The following DMD variants were observed in gnomAD, a reference collection of about 807,000 sequenced individuals.
The protein encoded by DMD is mutant dystrophin.
A neutral mutation model predicts 330.1 loss-of-function variants in DMD; 63 were observed. The ratio of observed to expected loss-of-function variants is 0.19; its 90% CI spans 0.16 to 0.24. The LOEUF (loss-of-function observed/expected upper bound fraction) is 0.24. DMD is among the 10% of genes least tolerant of loss of function. The pLI is 1.00. For synonymous variants in DMD, 1,223 were observed against 959.8 expected (o/e 1.27, Z -5.07); for missense variants, 3,344 against 2,684.1 (o/e 1.25, Z -5.43).
chrX:31,273,603 G>A (rs751477316), intron 62 of DMD, among the ~76,000 whole-genome samples: 1 of 112,045 alleles, frequency 8.9e-6, no homozygotes, highest in Admixed American at 9.4e-5. Context: ...GAACAAGGAA[G>A]TCATCCTAAG....
intron 9 of DMD, among the ~76,000 whole-genome samples, chrX:32,652,794 T>C (rs1377947032): frequency 1.8e-5 from 2 of 111,784 alleles, no homozygotes; most frequent in Non-Finnish European, 3.8e-5. Context: ...GTAAAAGTGC[T>C]CTTATTTCTC....
chrX:31,715,277 G>T (rs1240252210), intron 52 of DMD, among the ~76,000 whole-genome samples: 1 of 109,463 alleles, frequency 9.1e-6, no homozygotes, highest in East Asian at 2.9e-4. Flanking sequence ...GGGCGCGGTG[G>T]CTCACGCCTG....
intron 1 of DMD, among the ~76,000 whole-genome samples, chrX:33,187,796 A>G (rs2050330741): frequency 1.8e-5 from 2 of 111,757 alleles, no homozygotes; most frequent in African/African-American, 6.5e-5. Context: ...GGTAGATTTT[A>G]TACATGTGCA....
At chrX:32,827,443 A>G (rs1232813527) in intron 4 of DMD, among the ~76,000 whole-genome samples, 1 of 110,683 alleles carries the variant, frequency 9.0e-6, no homozygotes, top group Non-Finnish European at 1.9e-5. Context: ...TTTAACTTTT[A>G]TATTAGGTTC....
intron 44 of DMD, among the ~76,000 whole-genome samples, chrX:32,196,159 C>T (rs2096999017): frequency 8.9e-6 from 1 of 112,125 alleles, no homozygotes; most frequent in Non-Finnish European, 1.9e-5. Context: ...GGCTCATTTC[C>T]AGTCCTAAAC....
chrX:32,276,156 C>T (rs898407975), intron 43 of DMD, among the ~76,000 whole-genome samples: 1 of 112,243 alleles, frequency 8.9e-6, no homozygotes, highest in Non-Finnish European at 1.9e-5. Context: ...CAGTCAGTGC[C>T]TGTGCACGGA....
intron 63 of DMD, among the ~76,000 whole-genome samples, chrX:31,240,990 A>G (rs1385331275): frequency 2.7e-5 from 3 of 110,957 alleles, no homozygotes; most frequent in Non-Finnish European, 5.7e-5. Context: ...ACCTATTCCT[A>G]GGGCTGTTGC....
At chrX:31,937,098 T>C (rs1175252987) in intron 45 of DMD, among the ~76,000 whole-genome samples, 1 of 111,748 alleles carries the variant, frequency 8.9e-6, no homozygotes. Flanking sequence ...TGAAAATTTT[T>C]AAATGGGATT....
chrX:31,903,199 A>C (rs772974927), intron 47 of DMD, among the ~76,000 whole-genome samples: 1 of 112,038 alleles, frequency 8.9e-6, no homozygotes, highest in African/African-American at 3.2e-5. Flanking sequence ...CAATATAAAA[A>C]GTACCAATGA....
intron 45 of DMD, among the ~76,000 whole-genome samples, chrX:31,955,673 T>C (rs1213769899): frequency 1.8e-5 from 2 of 112,352 alleles, no homozygotes; most frequent in Non-Finnish European, 3.8e-5. Context: ...CAAAACTTAG[T>C]GTCATTAATA....
chrX:31,135,026 T>TAAAAACAA (rs760338834), intron 76 of DMD, among the ~76,000 whole-genome samples: 1 of 110,854 alleles, frequency 9.0e-6, no homozygotes, highest in Non-Finnish European at 1.9e-5. Context: ...TGTCTCTATT[T>TAAAAACAA]AAAAACAAAA....
At chrX:31,383,879 T>C (rs2060307766) in intron 60 of DMD, among the ~76,000 whole-genome samples, 1 of 111,519 alleles carries the variant, frequency 9.0e-6, no homozygotes, top group African/African-American at 3.3e-5. Context: ...GCCACTTTCA[T>C]CAGCAATAAA....
At chrX:32,923,445 C>T (rs1190851247) in intron 2 of DMD, among the ~76,000 whole-genome samples, 4 of 109,598 alleles carry the variant, frequency 3.6e-5, no homozygotes, top group Non-Finnish European at 7.6e-5. Flanking sequence ...CCTGTAATCC[C>T]AGCTACTCGG....
chrX:32,826,036 A>G lies in DMD; in HGVS notation c.265-2649T>C, dbSNP rs537628491. Among the ~76,000 whole-genome samples the G allele has an allele frequency of 4.7e-4, 53 of 111,725 alleles. 1 individual carries two copies. The highest frequency in any genetic ancestry group is 1.5e-3 in the African/African-American group (46 of 30,784). On this transcript the variant is annotated intron_variant, in intron 4 of 78. Transcript: ENST00000357033. Reference sequence around the variant, plus strand: ...CCTCAAACCCTATCTAGGGCAATGAACCTGAATAGACATTTCTCAAAAGAA... The same window carrying G: ...CCTCAAACCCTATCTAGGGCAATGAGCCTGAATAGACATTTCTCAAAAGAA...
Position 32,363,051 on chromosome X carries a change from G to A in DMD, c.5155-93C>T, listed in dbSNP as rs905959945. On this transcript the variant is annotated intron_variant, in intron 36 of 78. Coordinates refer to ENST00000357033, the MANE Select transcript of DMD (RefSeq NM_004006.3). The stretch of plus-strand genomic sequence containing the variant: ...AGCCAAACAGAGCGAGTGAGCAAGT[G>A]AGCGAGAAGAGTGAGAAAGAGAGAG... 9 of 834,112 alleles carry A rather than the reference G, an allele frequency of 1.1e-5. No individual in the cohort carries two copies. In the African/African-American group the frequency reaches 1.8e-4, roughly 17 times the overall value. 68.7% of individuals were successfully genotyped at this position (834,112 alleles called of 1,213,427 possible). A position where few individuals can be genotyped will look rare whatever the true frequency, so the allele number is the denominator to read the frequency against.
chrX:31,510,129 A>G lies in DMD; in HGVS notation c.8218-2676T>C, dbSNP rs138090209. Reference sequence around the variant, plus strand: ...GCTTTACAGGTTACAAAGCACGTACAAATGTACCACCTTAGTTATTCCTCC... The same window carrying G: ...GCTTTACAGGTTACAAAGCACGTACGAATGTACCACCTTAGTTATTCCTCC... On this transcript the variant is annotated intron_variant, in intron 55 of 78. Coordinates refer to ENST00000357033, the MANE Select transcript of DMD (RefSeq NM_004006.3). Among the ~76,000 whole-genome samples, 534 of 112,357 alleles carry G rather than the reference A, an allele frequency of 4.8e-3. 4 individuals carry two copies. Among genetic ancestry groups the G allele is most frequent in the African/African-American group, 0.016 (488 of 30,977 alleles).
intron 59 of DMD, among the ~76,000 whole-genome samples, chrX:31,461,223 G>A (rs985910303): frequency 4.5e-5 from 5 of 111,833 alleles, no homozygotes; most frequent in African/African-American, 1.6e-4. Context: ...ACTTGTAATT[G>A]AAGAAACGCT....
rs533086706 is a variant in DMD, at chrX:32,710,417, T to A, written c.650-11124A>T. On this transcript the variant is annotated intron_variant, in intron 7 of 78. Transcript: ENST00000357033. ...ACTTGATTTGAAGAACATCTCATGC[T>A]CTAGAAACTGTATCAGATTATTTTT... Among the ~76,000 whole-genome samples, 27 of 111,218 alleles carry A rather than the reference T, an allele frequency of 2.4e-4. No individual in the cohort carries two copies. The South Asian group carries it at 9.4e-3, about 39-fold the overall frequency.
chrX:31,402,432 T>C (rs750160058), intron 60 of DMD, among the ~76,000 whole-genome samples: 26 of 111,986 alleles, frequency 2.3e-4, no homozygotes, highest in African/African-American at 8.1e-4. Context: ...AGATCCCTTA[T>C]AGTTTTGGCT....
Sources: gnomAD v4.1 joint callset for allele counts (sites outside exome capture counted in the v4.1 genomes callset) on GRCh38, gnomAD v4.1.1 for gene constraint, MANE v1.5 for transcripts, NCBI Gene and HGNC (gene_info 2026-07-23, HGNC 2026-07-21) for gene names.